Variants in ZNF469 observed in about 807,000 individuals in gnomAD.
The protein encoded by ZNF469 is zinc finger protein 469.
Under a neutral mutation model 1.0 loss-of-function variants are expected in ZNF469, and 1 was observed. That is an observed-to-expected ratio of 1.00 (90% CI 0.35 to 4.73). The LOEUF (loss-of-function observed/expected upper bound fraction) is 4.73. Among genes scored for constraint, ZNF469 ranks in the 30% most tolerant of loss-of-function variants. The probability of loss-of-function intolerance (pLI) is 0.16; values close to 1 mark genes in which losing one functional copy is unlikely to be tolerated. For synonymous variants in ZNF469, 2,703 were observed against 2,363.4 expected (o/e 1.14, Z -4.17); for missense variants, 6,100 against 5,356.3 (o/e 1.14, Z -4.33).
chr16:88,112,879 G>A, the ZNF469 span, among the ~76,000 whole-genome samples: 10 of 145,706 alleles, frequency 6.9e-5, no homozygotes, highest in South Asian at 2.2e-4. Flanking sequence ...CCGGGTTTGC[G>A]CTATTCTCCT....
the ZNF469 span, among the ~76,000 whole-genome samples, chr16:88,127,421 G>A: frequency 6.6e-6 from 1 of 152,224 alleles, no homozygotes; most frequent in Non-Finnish European, 1.5e-5. Context: ...TTTTTATGGC[G>A]ACTTTCTATT....
chr16:88,321,462 G>C, the ZNF469 span, among the ~76,000 whole-genome samples: 3 of 151,724 alleles, frequency 2.0e-5, no homozygotes, highest in African/African-American at 7.3e-5. Flanking sequence ...TGCTGTGTTA[G>C]GCCTCACCTG....
the ZNF469 span, among the ~76,000 whole-genome samples, chr16:88,205,851 C>A: frequency 2.0e-4 from 31 of 152,096 alleles, no homozygotes; most frequent in African/African-American, 7.5e-4. This position sits in a 1 kb window ranked among gnomAD's most constrained non-coding sequence, Gnocchi z 4.2. Context: ...TAACACGGAT[C>A]TGGAAAGAAA....
At chr16:88,374,738 G>A in the ZNF469 span, among the ~76,000 whole-genome samples, 1,102 of 152,216 alleles carry the variant, frequency 7.2e-3, 10 homozygotes, top group African/African-American at 0.025. Context: ...GGCTGAGCTC[G>A]GCGCCGTGTG....
intron 1 of ZNF469, among the ~76,000 whole-genome samples, chr16:88,389,059 C>T (rs1016706565): frequency 1.3e-5 from 2 of 152,240 alleles, no homozygotes; most frequent in African/African-American, 4.8e-5. Context: ...CTACAGTGTG[C>T]GCTTCAGTGG....
At chr16:88,129,434 G>GTT in the ZNF469 span, among the ~76,000 whole-genome samples, 547 of 151,870 alleles carry the variant, frequency 3.6e-3, 1 homozygote, top group Non-Finnish European at 6.8e-3. Flanking sequence ...TGCACATACC[G>GTT]TTTTTTTTGC....
chr16:88,438,890 C>T lies in ZNF469; in HGVS notation c.11420C>T (p.Pro3807Leu). The part of the protein sequence containing the change: ...GEQGPHGSLG[P>L]KEKGESSTKR... ...CAGGGGCCCCACGGGAGCCTAGGTC[C>T]CAAGGAGAAGGGAGAGAGCAGTACG... Residue 3807 changes from proline to leucine, a missense_variant, in exon 3 of 3, where the codon CCC becomes CTC. By Grantham distance (98) the Pro-to-Leu change is moderately conservative (BLOSUM62 -3). Coordinates refer to ENST00000565624, the MANE Select transcript of ZNF469 (RefSeq NM_001367624.2). 6.4e-7 allele frequency: 1 copy of T among 1,550,516 alleles called. No individual in the cohort carries two copies. Among genetic ancestry groups the T allele is most frequent in the Non-Finnish European group, 8.7e-7 (1 of 1,146,978 alleles).
the ZNF469 span, among the ~76,000 whole-genome samples, chr16:88,193,120 G>GTGGTGA: frequency 3.0e-3 from 30 of 9,898 alleles, 1 homozygote; most frequent in African/African-American, 8.3e-3. Flanking sequence ...GGTGGTGATG[G>GTGGTGA]TGGTGGTGGT....
the ZNF469 span, among the ~76,000 whole-genome samples, chr16:88,141,701 T>C: frequency 1.3e-5 from 2 of 152,142 alleles, no homozygotes; most frequent in Non-Finnish European, 2.9e-5. Context: ...ATCACGGGCA[T>C]CCTTGTAGGA....
intron 1 of ZNF469, among the ~76,000 whole-genome samples, chr16:88,394,010 G>C (rs557317838): frequency 6.6e-6 from 1 of 152,224 alleles, no homozygotes; most frequent in South Asian, 2.1e-4. Flanking sequence ...AGCGGGGTTT[G>C]ACACGTCTAC....
the ZNF469 span, among the ~76,000 whole-genome samples, chr16:88,262,602 G>A: frequency 6.6e-6 from 1 of 152,136 alleles, no homozygotes; most frequent in East Asian, 1.9e-4. The surrounding 1 kb of genome is among the most constrained non-coding windows in gnomAD (Gnocchi z 4.3). Context: ...CAGAGTCCCA[G>A]CAGAGACCCC....
At chr16:88,207,504 C>T in the ZNF469 span, among the ~76,000 whole-genome samples, 1 of 149,676 alleles carries the variant, frequency 6.7e-6, no homozygotes, top group Admixed American at 6.6e-5. Flanking sequence ...GAGCCGCCAG[C>T]TGTCCCCCCT....
chr16:88,190,154 T>G, the ZNF469 span, among the ~76,000 whole-genome samples: 1 of 152,228 alleles, frequency 6.6e-6, no homozygotes, highest in African/African-American at 2.4e-5. Flanking sequence ...ACAGCTAATC[T>G]GGCTACACGA....
At chr16:88,339,086 A>C in the ZNF469 span, among the ~76,000 whole-genome samples, 1 of 149,662 alleles carries the variant, frequency 6.7e-6, no homozygotes, top group East Asian at 2.0e-4. Context: ...CTGCCTGAGC[A>C]GAGAAGTCAC....
chr16:88,429,756 T>C lies in ZNF469; in HGVS notation c.2286T>C (p.Asp762=). 1 of 1,544,620 alleles carries C rather than the reference T, an allele frequency of 6.5e-7. No individual in the cohort carries two copies. Among genetic ancestry groups the C allele is most frequent in the East Asian group, 2.5e-5 (1 of 40,798 alleles). Residue 762 remains aspartate (D), a synonymous_variant, in exon 3 of 3, where the codon GAT becomes GAC. Coordinates refer to ENST00000565624, the MANE Select transcript of ZNF469 (RefSeq NM_001367624.2). ...GCCTGCTCCTGGCCAGGGCCAAGGA[T>C]GGCCACCAGCGGTCTCCAGGCCCCC... ...FCGLLLARAK[D]GHQRSPGPPG...
upstream of ZNF469, among the ~76,000 whole-genome samples, chr16:88,380,283 GCACA>G (rs71654152): frequency 0.037 from 3,305 of 90,522 alleles, 267 homozygotes; most frequent in African/African-American, 0.12. Flanking sequence ...ACCCAGACAT[GCACA>G]CACACACACG....
intron 1 of ZNF469, among the ~76,000 whole-genome samples, 180 bp downstream of exon 1, chr16:88,383,434 C>A (rs1388183729): frequency 7.4e-5 from 11 of 148,340 alleles, no homozygotes; most frequent in Admixed American, 7.4e-4. Context: ...CGGCCCGGCT[C>A]CCCCGACCTC....
At chr16:88,282,921 C>G in the ZNF469 span, among the ~76,000 whole-genome samples, 1 of 152,196 alleles carries the variant, frequency 6.6e-6, no homozygotes, top group Non-Finnish European at 1.5e-5. Flanking sequence ...TGGCAGCCCT[C>G]AAGCTCCCAG....
the ZNF469 span, among the ~76,000 whole-genome samples, chr16:88,298,986 T>G: frequency 3.3e-5 from 5 of 152,188 alleles, no homozygotes. Flanking sequence ...CCGGGGAACC[T>G]AGGCCAGCCT....
Sources: gnomAD v4.1 joint callset for allele counts (sites outside exome capture counted in the v4.1 genomes callset) on GRCh38, gnomAD v4.1.1 for gene constraint, Gnocchi (gnomAD v3.1) non-coding constraint, MANE v1.5 for transcripts, NCBI Gene and HGNC (gene_info 2026-07-23, HGNC 2026-07-21) for gene names.